The following RBMX variants were observed in gnomAD, a reference collection of about 807,000 sequenced individuals.
RBMX encodes RNA binding motif protein X-linked, also known as RNA-binding motif protein, X chromosome.
In RBMX, 1 loss-of-function variant was observed where a neutral mutation model predicts 29.3. The ratio of observed to expected loss-of-function variants is 0.03; its 90% confidence interval spans 0.01 to 0.16. The LOEUF (loss-of-function observed/expected upper bound fraction) is 0.16, where lower values mean the gene tolerates loss of function less well. Among genes scored for constraint, RBMX ranks in the 10% least tolerant of loss-of-function variants. The probability of loss-of-function intolerance (pLI) is 1.00; values close to 1 mark genes in which losing one functional copy is unlikely to be tolerated. For missense variants in RBMX, 121 were observed against 333.2 expected (o/e 0.36, Z 4.96); for synonymous variants, 102 against 102.3 (o/e 1.00, Z 0.02).
intron 8 of RBMX, chrX:136,874,718 ACACT>A (rs2077710542): frequency 5.1e-6 from 2 of 393,548 alleles, no homozygotes; most frequent in Non-Finnish European, 8.3e-6. Flanking sequence ...TTTATAGTAG[ACACT>A]CAGCCACTTT....
downstream of RBMX, chrX:136,869,305 T>C (rs1821043860): frequency 3.6e-5 from 4 of 112,481 alleles, no homozygotes; most frequent in Admixed American, 3.8e-4. Context: ...AAACATTTTC[T>C]GTATCATTCT....
At chrX:136,876,371 C>T (rs1226115543) in intron 5 of RBMX, 132 bp downstream of exon 5, 6 of 653,734 alleles carry the variant, frequency 9.2e-6, no homozygotes, top group East Asian at 7.7e-5. Context: ...ATCCGTCTGC[C>T]GCGGCCTCCC....
chrX:136,871,616 G>A (rs987998301), downstream of RBMX, among the ~76,000 whole-genome samples: 1 of 109,770 alleles, frequency 9.1e-6, no homozygotes, highest in Non-Finnish European at 1.9e-5. Context: ...TAGTAACAAC[G>A]AAAGTATATC....
intron 4 of RBMX, 91 bp downstream of exon 4, chrX:136,877,824 T>C (rs2077749891): frequency 1.1e-6 from 1 of 942,010 alleles, no homozygotes. Flanking sequence ...AGTTGGCACC[T>C]TTCCTCAAGG....
Position 136,876,609 on chromosome X carries a change from T to G in RBMX, c.435A>C (p.Gly145=), listed in dbSNP as rs375390422. Residue 145 remains glycine (G), a synonymous_variant, in exon 5 of 9, where the codon GGA becomes GGC. Coordinates refer to ENST00000320676, the MANE Select transcript of RBMX (RefSeq NM_002139.4). ...SMNFNMSSSR[G]PLPVKRGPPP... is the part of the protein sequence containing the mutation. ...GTGGTCCTCTTTTTACTGGGAGTGG[T>G]CCCCTGGAAGAACTCATGTTAAAAT... 1.0e-4 allele frequency: 122 copies of G among 1,202,203 alleles called. No homozygotes were observed. The South Asian group carries it at 2.1e-3, about 21-fold the overall frequency.
At chrX:136,870,688 G>T (rs964613218), downstream of RBMX, among the ~76,000 whole-genome samples, 25 of 104,044 alleles carry the variant, frequency 2.4e-4, no homozygotes, top group Non-Finnish European at 4.7e-4. Flanking sequence ...AAGATTAGCC[G>T]GGCACGGTGG....
At position 136,879,392 on chromosome X, in the gene RBMX, A is replaced by G; in HGVS notation, c.36T>C (p.Ile12=). ...CATTTGTTTCCGTATTAAGCCCACC[A>G]ATGAAGAGCTTTCCTGGGCGATCTG... ...VEADRPGKLF[I]GGLNTETNEK... is the part of the protein sequence containing the mutation. The change falls in exon 2 of 9, where the codon ATT becomes ATC. Residue 12 remains isoleucine (I), a synonymous_variant. Transcript: ENST00000320676. 2 of 1,209,893 alleles carry G rather than the reference A, an allele frequency of 1.7e-6. No individual in the cohort carries two copies. The highest frequency in any genetic ancestry group is 1.1e-6 in the Non-Finnish European group (1 of 895,234).
intron 5 of RBMX, 76 bp downstream of exon 5, chrX:136,876,427 A>T: frequency 1.1e-5 from 12 of 1,070,813 alleles, no homozygotes; most frequent in Non-Finnish European, 1.5e-5. Flanking sequence ...TGGCCAATTA[A>T]AATTTTAAGC....
chrX:136,874,044 C>G lies in RBMX; in HGVS notation c.*98G>C. ...AACAGGGAATTTAAAAAAAGTAACA[C>G]AATTTTTCCTTTTAGTAGTCCTTGG... On this transcript the variant is annotated 3_prime_UTR_variant, in exon 9 of 9. Coordinates refer to ENST00000320676, the MANE Select transcript of RBMX (RefSeq NM_002139.4). 8.9e-7 allele frequency: 1 copy of G among 1,119,235 alleles called. No individual in the cohort carries two copies. Among genetic ancestry groups the G allele is most frequent in the South Asian group, 2.4e-5 (1 of 41,575 alleles). The allele number at this position is 1,119,235 out of a possible 1,213,427, so 92.2% of individuals were successfully genotyped here.
chrX:136,880,427 C>CG (rs1407557088), intron 1 of RBMX, among the ~76,000 whole-genome samples, 170 bp downstream of exon 1: 1 of 112,188 alleles, frequency 8.9e-6, no homozygotes, highest in East Asian at 2.8e-4. Context: ...TACAACCAAA[C>CG]GGGCCCCCTC....
rs767168915 is a variant in RBMX at position 136,875,276 on chromosome X, T to C, written c.764A>G (p.Tyr255Cys). 4 of 1,210,295 alleles carry C rather than the reference T, an allele frequency of 3.3e-6. No homozygotes were observed. Among genetic ancestry groups the C allele is most frequent in the East Asian group, 3.0e-5 (1 of 33,802 alleles). The change falls in exon 7 of 9, where the codon TAT becomes TGT. Residue 255 changes from tyrosine to cysteine, a missense_variant. Tyr to Cys is a radical substitution (Grantham distance 194). This residue lies in a region of RBMX where 114 missense variants were observed against 260.0 expected (regional missense o/e 0.44). Coordinates refer to ENST00000320676, the MANE Select transcript of RBMX (RefSeq NM_002139.4). The part of the protein sequence containing the change: ...DYGHSSSRDD[Y>C]PSRGYSDRDG... The stretch of plus-strand genomic sequence containing the variant: ...CACTTACCTATATCCTCTTGATGGA[T>C]AGTCATCACGTGAACTGGAATGACC...
chrX:136,874,990 T>A (rs188030563), intron 8 of RBMX, 96 bp downstream of exon 8: 28 of 1,120,022 alleles, frequency 2.5e-5, no homozygotes, highest in Admixed American at 6.4e-5. Flanking sequence ...CAAGCAAACA[T>A]CCCTTTAAAA....
At chrX:136,875,192 G>A (rs1272426862) in intron 7 of RBMX, 24 bp from the exon 8 acceptor site, 1 of 1,211,278 alleles carries the variant, frequency 8.3e-7, no homozygotes, top group South Asian at 1.8e-5. Flanking sequence ...AAACCTTTAA[G>A]TCCCAGAGAA....
At chrX:136,878,922 G>C in intron 3 of RBMX, 95 bp downstream of exon 3, 1 of 1,106,248 alleles carries the variant, frequency 9.0e-7, no homozygotes, top group Non-Finnish European at 1.2e-6. Flanking sequence ...GAAAAACAAC[G>C]AAAACTCAAA....
At chrX:136,876,796 C>CT in intron 4 of RBMX, 141 bp from the exon 5 acceptor site, 1 of 416,551 alleles carries the variant, frequency 2.4e-6, no homozygotes, top group Non-Finnish European at 3.7e-6. Flanking sequence ...CAACCTCTGC[C>CT]TCCTGGGTTC....
At chrX:136,870,388 G>C (rs761653902), downstream of RBMX, 3 of 113,586 alleles carry the variant, frequency 2.6e-5, no homozygotes, top group Non-Finnish European at 5.6e-5. Flanking sequence ...GTGACTTATT[G>C]ACAATCAGCC....
At chrX:136,871,840 A>T (rs1299773803), downstream of RBMX, among the ~76,000 whole-genome samples, 2 of 95,783 alleles carry the variant, frequency 2.1e-5, no homozygotes, top group African/African-American at 7.6e-5. Flanking sequence ...TTTCTAGTAC[A>T]GATGAGGTTT....
At chrX:136,876,728 T>G in intron 4 of RBMX, 73 bp from the exon 5 acceptor site, 1 of 959,173 alleles carries the variant, frequency 1.0e-6, no homozygotes, top group Non-Finnish European at 1.4e-6. Flanking sequence ...TTTTTTTTTT[T>G]TTTGAGAGTC....
downstream of RBMX, among the ~76,000 whole-genome samples, chrX:136,871,349 CAGG>C (rs1404772132): frequency 2.9e-5 from 3 of 101,754 alleles, no homozygotes; most frequent in African/African-American, 7.3e-5. Flanking sequence ...GGCTGAGGCA[CAGG>C]AGAATGGCGT....
Sources: gnomAD v4.1 joint callset for allele counts (sites outside exome capture counted in the v4.1 genomes callset) on GRCh38, gnomAD v4.1.1 for gene constraint, gnomAD v4.1.1 regional missense constraint, MANE v1.5 for transcripts, NCBI Gene and HGNC (gene_info 2026-07-23, HGNC 2026-07-21) for gene names.